MIF4GD: variants seen among roughly 807,000 people sequenced by gnomAD.
MIF4GD encodes MIF4G domain-containing protein.
In MIF4GD, 22 loss-of-function variants were observed where a neutral mutation model predicts 26.7. That is an observed-to-expected ratio of 0.82 (90% CI 0.59 to 1.18). MIF4GD has a LOEUF of 1.18. Among genes scored for constraint, MIF4GD ranks in the 50% most tolerant of loss-of-function variants. MIF4GD has a pLI of 0.00. For missense variants in MIF4GD, 262 were observed against 279.6 expected (o/e 0.94, Z 0.45); for synonymous variants, 137 against 111.6 (o/e 1.23, Z -1.43).
In MIF4GD at chr17:75,266,580, T is replaced by G; in HGVS notation, c.*160A>C. On this transcript the variant is annotated 3_prime_UTR_variant, in exon 6 of 6. Coordinates refer to ENST00000325102, the MANE Select transcript of MIF4GD (RefSeq NM_001370592.1). ...AGGGGCTCAGGGCAGGACCACGGCATAAGTGGGAAACATCTCACCAGGAGA... is the reference window on the plus strand; with the variant it reads ...AGGGGCTCAGGGCAGGACCACGGCAGAAGTGGGAAACATCTCACCAGGAGA... The G allele has an allele frequency of 2.8e-6, 2 of 710,312 alleles. No homozygotes were observed. Among genetic ancestry groups the G allele is most frequent in the Non-Finnish European group, 4.8e-6 (2 of 420,498 alleles). The allele number at this position is 710,312 out of a possible 1,614,324, so 44.0% of individuals were successfully genotyped here.
chr17:75,268,122 G>C lies in MIF4GD; in HGVS notation c.153C>G (p.Phe51Leu). The change falls in exon 3 of 6, where the codon TTC becomes TTG. Residue 51 changes from phenylalanine (F) to leucine (L), a missense_variant. Phe to Leu is a conservative substitution (Grantham distance 22). Coordinates refer to ENST00000325102, the MANE Select transcript of MIF4GD (RefSeq NM_001370592.1). ...IVDHSLQDCV[F>L]SKEAGRMCYA... ...AGCACATGCGTCCTGCTTCCTTGCT[G>C]AACACACAGTCCTGCAGAGAATGGT... is the stretch of plus-strand genomic sequence containing the variant. 3 of 1,614,194 alleles carry C rather than the reference G, an allele frequency of 1.9e-6. No homozygotes were observed. The highest frequency in any genetic ancestry group is 2.5e-6 in the Non-Finnish European group (3 of 1,180,036).
chr17:75,270,142 G>T lies in MIF4GD; in HGVS notation c.54C>A (p.Thr18=). Residue 18 remains threonine, a synonymous_variant, in exon 2 of 6, where the codon ACC becomes ACA. Transcript: ENST00000325102. The surrounding 1 kb of genome is among the most constrained non-coding windows in gnomAD (Gnocchi z 5.7). The part of the protein sequence containing the change: ...EYKIQSFDAE[T]QQLLKTALKD... ...TGAGTGCTGTCTTCAGCAGCTGCTG[G>T]GTCTCTGCATCAAAGGACTGGATTT... The T allele has an allele frequency of 1.2e-6, 2 of 1,614,022 alleles. No individual in the cohort carries two copies. The highest frequency in any genetic ancestry group is 1.7e-6 in the Non-Finnish European group (2 of 1,179,958).
rs2077484939 is a variant in MIF4GD, at chr17:75,266,349, A to G, written c.*391T>C. 2 of 359,608 alleles carry G rather than the reference A, an allele frequency of 5.6e-6. No individual in the cohort carries two copies. Among genetic ancestry groups the G allele is most frequent in the Admixed American group, 8.5e-5 (2 of 23,400 alleles). 22.3% of individuals were successfully genotyped at this position (359,608 alleles called of 1,614,324 possible). ...TGTTTCCAGAGTTGTCCTTATACAA[A>G]ATGTATAAAAAGCAGTTTCTGGTGT... On this transcript the variant is annotated 3_prime_UTR_variant, in exon 6 of 6. Coordinates refer to ENST00000325102, the MANE Select transcript of MIF4GD (RefSeq NM_001370592.1).
chr17:75,269,513 A>G lies in MIF4GD; in HGVS notation c.82+601T>C, dbSNP rs760487944. On this transcript the variant is annotated intron_variant, in intron 2 of 5. Transcript: ENST00000325102. The stretch of plus-strand genomic sequence containing the variant: ...CAGCAATTCAAATGTAAGCGCTTCA[A>G]GGGCAGGAGCCGTGTTCTTTTTTTT... 59 of 1,549,186 alleles carry G rather than the reference A, an allele frequency of 3.8e-5. 1 individual carries two copies. In the South Asian group the frequency reaches 6.9e-4, roughly 18 times the overall value.
In MIF4GD at chr17:75,268,106, G is replaced by A. The variant is rs754338893; in HGVS notation, c.169C>T (p.Arg57Cys). 2.8e-5 allele frequency: 45 copies of A among 1,614,052 alleles called. No homozygotes were observed. The highest frequency in any genetic ancestry group is 3.5e-5 in the Non-Finnish European group (41 of 1,180,016). The change falls in exon 3 of 6, where the codon CGC becomes TGC. Residue 57 changes from arginine (R) to cysteine (C), a missense_variant. Physicochemically the swap from Arg to Cys is radical, Grantham distance 180. Transcript: ENST00000325102. ...ACCTGAATGATGGCGTAGCACATGC[G>A]TCCTGCTTCCTTGCTGAACACACAG... is the stretch of plus-strand genomic sequence containing the variant. Reference protein sequence around the residue: ...QDCVFSKEAGRMCYAIIQAES... With the variant: ...QDCVFSKEAGCMCYAIIQAES...
At position 75,267,850 on chromosome 17, in the gene MIF4GD, G is replaced by T. The variant is rs750318301; in HGVS notation, c.244C>A (p.Arg82=). ...QSVFRRGLLN[R]LQQEYQAREQ... ...CGAGCCTGGTACTCCTGCTGCAGCC[G>T]GTTGAGGAGTCCACGTCGGAAGACA... The change falls in exon 4 of 6, where the codon CGG becomes AGG. Residue 82 remains arginine, a synonymous_variant. Coordinates refer to ENST00000325102, the MANE Select transcript of MIF4GD (RefSeq NM_001370592.1). The T allele has an allele frequency of 6.2e-7, 1 of 1,613,956 alleles. No homozygotes were observed. The highest frequency in any genetic ancestry group is 8.5e-7 in the Non-Finnish European group (1 of 1,180,012).
In MIF4GD at chr17:75,270,221, A is replaced by C. The variant is rs781378828; in HGVS notation, c.-26T>G. The C allele has an allele frequency of 3.1e-6, 5 of 1,593,732 alleles. No homozygotes were observed. The highest frequency in any genetic ancestry group is 8.6e-7 in the Non-Finnish European group (1 of 1,161,822). ...GACTAGCCAGCCCCGGTAGCTCTTG[A>C]CTGGGCTGGGAATAAGGACAGCACC... On this transcript the variant is annotated 5_prime_UTR_variant, in exon 2 of 6. Transcript: ENST00000325102. The surrounding 1 kb of genome is among the most constrained non-coding windows in gnomAD (Gnocchi z 5.7).
intron 2 of MIF4GD, among the ~76,000 whole-genome samples, chr17:75,268,719 C>G (rs1189685088): frequency 6.6e-6 from 1 of 150,816 alleles, no homozygotes; most frequent in Admixed American, 6.6e-5. Context: ...TACAGAGGGC[C>G]TGGTGTGGTG....
chr17:75,266,483 A>G lies in MIF4GD; in HGVS notation c.*257T>C, dbSNP rs1357865515. 5.5e-6 allele frequency: 3 copies of G among 546,536 alleles called. No individual in the cohort carries two copies. The highest frequency in any genetic ancestry group is 9.9e-6 in the Non-Finnish European group (3 of 302,244). 33.9% of individuals were successfully genotyped at this position (546,536 alleles called of 1,614,324 possible). Reference sequence around the variant, plus strand: ...GAGGCACCAAGGTAGTAGTTGCACTAATGGTTACACAGTGCAGTGGCTCTT... The same window carrying G: ...GAGGCACCAAGGTAGTAGTTGCACTGATGGTTACACAGTGCAGTGGCTCTT... On this transcript the variant is annotated 3_prime_UTR_variant, in exon 6 of 6. Transcript: ENST00000325102.
At position 75,266,394 on chromosome 17, in the gene MIF4GD, C is replaced by T; in HGVS notation, c.*346G>A. ...TGGTGTGACTTGTGCTCTGCCTCCA[C>T]CCCTTGACATCCCAAAATATCCCAC... On this transcript the variant is annotated 3_prime_UTR_variant, in exon 6 of 6. Transcript: ENST00000325102. 2.4e-6 allele frequency: 1 copy of T among 409,734 alleles called. No homozygotes were observed. The highest frequency in any genetic ancestry group is 4.6e-6 in the Non-Finnish European group (1 of 218,264). The allele number at this position is 409,734 out of a possible 1,614,324, so 25.4% of individuals were successfully genotyped here.
At chr17:75,268,830 C>T (rs1182570700) in intron 2 of MIF4GD, among the ~76,000 whole-genome samples, 1 of 151,658 alleles carries the variant, frequency 6.6e-6, no homozygotes, top group Non-Finnish European at 1.5e-5. Flanking sequence ...ATGATGAAAC[C>T]CCGTCTCTAC....
chr17:75,269,737 C>CTTTTTTTTTTT (rs796368431), intron 2 of MIF4GD, among the ~76,000 whole-genome samples: 24 of 103,718 alleles, frequency 2.3e-4, no homozygotes, highest in Middle Eastern at 5.4e-3. Context: ...TTTTTCTTTT[C>CTTTTTTTTTTT]TTTCTTTTTT....
chr17:75,270,069 T>TC lies in MIF4GD; in HGVS notation c.82+44dup. The TC allele has an allele frequency of 6.4e-7, 1 of 1,569,444 alleles. No individual in the cohort carries two copies. Among genetic ancestry groups the TC allele is most frequent in the Non-Finnish European group, 8.8e-7 (1 of 1,140,356 alleles). ...CTCTGGTGCTGCCCACAGGGGCCCT[T>TC]CTCTGTAGCTCCTGACCCCAGCTCA... On this transcript the variant is annotated intron_variant, in intron 2 of 5. Coordinates refer to ENST00000325102, the MANE Select transcript of MIF4GD (RefSeq NM_001370592.1). The surrounding 1 kb of genome is among the most constrained non-coding windows in gnomAD (Gnocchi z 5.7).
chr17:75,266,588 A>T lies in MIF4GD; in HGVS notation c.*152T>A. On this transcript the variant is annotated 3_prime_UTR_variant, in exon 6 of 6. Transcript: ENST00000325102. Reference sequence around the variant, plus strand: ...AGGGCAGGACCACGGCATAAGTGGGAAACATCTCACCAGGAGATGGGAAAG... The same window carrying T: ...AGGGCAGGACCACGGCATAAGTGGGTAACATCTCACCAGGAGATGGGAAAG... The T allele has an allele frequency of 1.4e-6, 1 of 737,746 alleles. No individual in the cohort carries two copies. Among genetic ancestry groups the T allele is most frequent in the Non-Finnish European group, 2.3e-6 (1 of 441,130 alleles). 45.7% of individuals were successfully genotyped at this position (737,746 alleles called of 1,614,324 possible).
Position 75,270,313 on chromosome 17 carries a change from C to G in MIF4GD, c.-50-68G>C. On this transcript the variant is annotated intron_variant, in intron 1 of 5. Coordinates refer to ENST00000325102, the MANE Select transcript of MIF4GD (RefSeq NM_001370592.1). This position sits in a 1 kb window ranked among gnomAD's most constrained non-coding sequence, Gnocchi z 5.7. ...CAGGGCGGGTTCCGTCCTGCAGGCC[C>G]TGGACGGGGCTGACGGCGCGCTCGG... is the stretch of plus-strand genomic sequence containing the variant. 1.1e-6 allele frequency: 1 copy of G among 883,656 alleles called. No homozygotes were observed. Among genetic ancestry groups the G allele is most frequent in the Non-Finnish European group, 1.8e-6 (1 of 544,566 alleles). 54.7% of individuals were successfully genotyped at this position (883,656 alleles called of 1,614,324 possible).
In MIF4GD at chr17:75,266,632, C is replaced by G; in HGVS notation, c.*108G>C. The G allele has an allele frequency of 9.7e-7, 1 of 1,027,092 alleles. No individual in the cohort carries two copies. Among genetic ancestry groups the G allele is most frequent in the East Asian group, 2.7e-5 (1 of 37,382 alleles). The allele number at this position is 1,027,092 out of a possible 1,614,324, so 63.6% of individuals were successfully genotyped here. A position where few individuals can be genotyped will look rare whatever the true frequency, so the allele number is the denominator to read the frequency against. The stretch of plus-strand genomic sequence containing the variant: ...GGGAAAGTCTAGAAGGGAAGACACT[C>G]AAAGTCTGGAAGGGAAAAGTCTTTG... On this transcript the variant is annotated 3_prime_UTR_variant, in exon 6 of 6. Coordinates refer to ENST00000325102, the MANE Select transcript of MIF4GD (RefSeq NM_001370592.1).
rs868243531 is a variant in MIF4GD at position 75,270,239 on chromosome 17, A to G, written c.-44T>C. Reference sequence around the variant, plus strand: ...GCTCTTGACTGGGCTGGGAATAAGGACAGCACCTGAGGAGAAGAGGCGAAG... The same window carrying G: ...GCTCTTGACTGGGCTGGGAATAAGGGCAGCACCTGAGGAGAAGAGGCGAAG... On this transcript the variant is annotated 5_prime_UTR_variant, in exon 2 of 6. Coordinates refer to ENST00000325102, the MANE Select transcript of MIF4GD (RefSeq NM_001370592.1). This position sits in a 1 kb window ranked among gnomAD's most constrained non-coding sequence, Gnocchi z 5.7. The G allele has an allele frequency of 1.3e-6, 2 of 1,539,828 alleles. No individual in the cohort carries two copies. The highest frequency in any genetic ancestry group is 3.4e-4 in the Middle Eastern group (2 of 5,934).
chr17:75,267,663 CT>C (rs2077546142), intron 4 of MIF4GD, 33 bp from the exon 5 acceptor site: 2 of 1,613,876 alleles, frequency 1.2e-6, no homozygotes, highest in Middle Eastern at 1.7e-4. Context: ...GAGCACCAGG[CT>C]TAGTGGCCAA....
intron 5 of MIF4GD, 34 bp downstream of exon 5, chr17:75,267,504 C>T (rs772444748): frequency 1.2e-6 from 2 of 1,606,618 alleles, no homozygotes; most frequent in Admixed American, 3.3e-5. Flanking sequence ...ATCCTGCAGC[C>T]TTCTGTGCTT....
Sources: gnomAD v4.1 joint callset for allele counts (sites outside exome capture counted in the v4.1 genomes callset) on GRCh38, gnomAD v4.1.1 for gene constraint, Gnocchi (gnomAD v3.1) non-coding constraint, MANE v1.5 for transcripts, NCBI Gene and HGNC (gene_info 2026-07-23, HGNC 2026-07-21) for gene names.